PIWIL2: variants seen among roughly 807,000 people sequenced by gnomAD.
The protein encoded by PIWIL2 is piwi like RNA-mediated gene silencing 2.
Under a neutral mutation model 116.5 loss-of-function variants are expected in PIWIL2, and 81 were observed. The observed-to-expected ratio is 0.70, with a 90% CI of 0.58 to 0.84. The LOEUF (loss-of-function observed/expected upper bound fraction) is 0.84. PIWIL2 is among the 40% of genes least tolerant of loss of function. PIWIL2 has a pLI of 0.00. For missense variants in PIWIL2, 1,272 were observed against 1,212.3 expected (o/e 1.05, Z -0.73); for synonymous variants, 489 against 429.5 (o/e 1.14, Z -1.71).
chr8:22,283,189 C>A lies in PIWIL2; in HGVS notation c.581C>A (p.Pro194His), dbSNP rs371325885. Reference protein sequence around the residue: ...LSSPPALPQSPLHSPDRPLVL... With the variant: ...LSSPPALPQSHLHSPDRPLVL... ...TCACCACCAGCTCTGCCCCAGTCTC[C>A]CCTGCACTCTCCAGATCGCCCTCTG... is the stretch of plus-strand genomic sequence containing the variant. Residue 194 changes from proline (P) to histidine (H), a missense_variant, in exon 5 of 23, where the codon CCC (proline) becomes CAC (histidine). Pro to His is a moderately conservative substitution (Grantham distance 77). Coordinates refer to ENST00000356766, the MANE Select transcript of PIWIL2 (RefSeq NM_018068.5). 1.9e-6 allele frequency: 3 copies of A among 1,614,102 alleles called. No homozygotes were observed. In the South Asian group the frequency reaches 3.3e-5, roughly 18 times the overall value.
chr8:22,339,721 C>T lies in PIWIL2; in HGVS notation c.2404-13238C>T, dbSNP rs143242123. 3.9e-3 allele frequency among the ~76,000 whole-genome samples: 594 copies of T among 152,184 alleles called. 6 individuals are homozygous for T. Among genetic ancestry groups the T allele is most frequent in the African/African-American group, 0.014 (573 of 41,518 alleles). ...CATAGAATGGGAGAAGTCATTCATC[C>T]GATACATATGGAAAGGCTCTAGTAT... On this transcript the variant is annotated intron_variant, in intron 20 of 22. Coordinates refer to ENST00000356766, the MANE Select transcript of PIWIL2 (RefSeq NM_018068.5).
chr8:22,280,257 G>A (rs1275788459), intron 2 of PIWIL2, among the ~76,000 whole-genome samples: 2 of 152,180 alleles, frequency 1.3e-5, no homozygotes, highest in Admixed American at 6.5e-5. Flanking sequence ...ATTAGCAGCA[G>A]TTTCTGCCTC....
rs149615967 is a variant in PIWIL2 at position 22,311,765 on chromosome 8, AACTT to A, written c.1989+467_1989+470del. 5.9e-3 allele frequency among the ~76,000 whole-genome samples: 899 copies of A among 152,280 alleles called. 7 individuals carry two copies. Among genetic ancestry groups the A allele is most frequent in the African/African-American group, 0.021 (859 of 41,534 alleles). On this transcript the variant is annotated intron_variant, in intron 16 of 22. Coordinates refer to ENST00000356766, the MANE Select transcript of PIWIL2 (RefSeq NM_018068.5). ...GAGCTGGCCAGGTCATAGCACTCACAACTTAGTTATTCAGGCTTTTCAGTTCTTA... is the reference window on the plus strand; with the variant it reads ...GAGCTGGCCAGGTCATAGCACTCACAAGTTATTCAGGCTTTTCAGTTCTTA...
At chr8:22,280,299 G>A (rs1482548330) in intron 2 of PIWIL2, among the ~76,000 whole-genome samples, 2 of 152,138 alleles carry the variant, frequency 1.3e-5, no homozygotes, top group African/African-American at 4.8e-5. Context: ...CATTTTGGAA[G>A]GCTCATTGCC....
intron 20 of PIWIL2, among the ~76,000 whole-genome samples, chr8:22,327,878 C>A (rs1247664756): frequency 6.6e-6 from 1 of 152,124 alleles, no homozygotes; most frequent in Non-Finnish European, 1.5e-5. Flanking sequence ...GTATGATTTA[C>A]AAATATCTCC....
In PIWIL2 at chr8:22,315,119, G is replaced by A. The variant is rs1315656399; in HGVS notation, c.2182G>A (p.Glu728Lys). ...TCAGATTAACTGTAAATTGGGTGGT[G>A]AGCTCTGGGGAGTGGATATTCCTCT... ...LLQINCKLGGELWGVDIPLKQ... is the reference protein window; with the variant it reads ...LLQINCKLGGKLWGVDIPLKQ... The change falls in exon 18 of 23, where the codon GAG becomes AAG. Residue 728 changes from glutamate to lysine, a missense_variant. Transcript: ENST00000356766. The A allele has an allele frequency of 1.2e-6, 2 of 1,602,422 alleles. No individual in the cohort carries two copies. The highest frequency in any genetic ancestry group is 1.7e-6 in the Non-Finnish European group (2 of 1,169,356).
intron 20 of PIWIL2, among the ~76,000 whole-genome samples, chr8:22,351,165 A>G (rs550857063): frequency 5.0e-4 from 76 of 151,606 alleles, no homozygotes; most frequent in Non-Finnish European, 8.8e-4. Context: ...AAAAATAATT[A>G]ATTAATTAAC....
At chr8:22,292,059 A>G (rs142292355) in intron 10 of PIWIL2, among the ~76,000 whole-genome samples, 4 of 152,196 alleles carry the variant, frequency 2.6e-5, no homozygotes, top group African/African-American at 9.7e-5. Flanking sequence ...AGCTTTTGGC[A>G]TGTGGACAGC....
chr8:22,355,725 C>G lies in PIWIL2; in HGVS notation c.*220C>G, dbSNP rs1228761042. The G allele has an allele frequency of 7.4e-6, 4 of 543,752 alleles. No homozygotes were observed. Among genetic ancestry groups the G allele is most frequent in the Non-Finnish European group, 1.3e-5 (4 of 304,132 alleles). 33.7% of individuals were successfully genotyped at this position (543,752 alleles called of 1,614,324 possible). On this transcript the variant is annotated 3_prime_UTR_variant, in exon 23 of 23. Transcript: ENST00000356766. ...AAATGGCCTTGTTGCCTGTGTAGAG[C>G]AAGTTACGGTGGTACTGCCACTCTG...
chr8:22,292,854 G>A (rs187385155), intron 10 of PIWIL2, among the ~76,000 whole-genome samples: 1 of 152,296 alleles, frequency 6.6e-6, no homozygotes, highest in East Asian at 1.9e-4. Context: ...TGTCTCTCCT[G>A]ATTTCTCAGA....
rs754693215 is a variant in PIWIL2 at position 22,355,298 on chromosome 8, C to G, written c.2766-51C>G. On this transcript the variant is annotated intron_variant, in intron 22 of 22. Transcript: ENST00000356766. Reference sequence around the variant, plus strand: ...GACTATTGTATTGTATTGCATGCCACAAATTGAAGGTGGGGGATGATGAGA... The same window carrying G: ...GACTATTGTATTGTATTGCATGCCAGAAATTGAAGGTGGGGGATGATGAGA... 5 of 1,594,582 alleles carry G rather than the reference C, an allele frequency of 3.1e-6. No individual in the cohort carries two copies. The Admixed American group carries it at 8.3e-5, about 27-fold the overall frequency.
intron 19 of PIWIL2, among the ~76,000 whole-genome samples, chr8:22,317,424 A>G (rs1192660140): frequency 1.3e-5 from 2 of 152,176 alleles, no homozygotes; most frequent in African/African-American, 4.8e-5. Flanking sequence ...ATTTGTACAA[A>G]TGGGATATTG....
intron 10 of PIWIL2, among the ~76,000 whole-genome samples, chr8:22,299,966 A>G (rs1831006890): frequency 6.6e-6 from 1 of 151,220 alleles, no homozygotes; most frequent in Non-Finnish European, 1.5e-5. Context: ...GGGGAACAGA[A>G]TCTCTCCCTG....
chr8:22,282,917 A>G, intron 4 of PIWIL2, 117 bp from the exon 5 acceptor site: 2 of 797,218 alleles, frequency 2.5e-6, no homozygotes, highest in Non-Finnish European at 4.3e-6. Context: ...AGAGAATTTG[A>G]AACTTGGATC....
chr8:22,331,000 C>T (rs764792958), intron 20 of PIWIL2, among the ~76,000 whole-genome samples: 10 of 151,922 alleles, frequency 6.6e-5, no homozygotes, highest in East Asian at 3.9e-4. Context: ...CATGGTGAAA[C>T]CCCGTCTCTA....
intron 20 of PIWIL2, among the ~76,000 whole-genome samples, chr8:22,331,445 G>A (rs1831860469): frequency 1.3e-5 from 2 of 151,472 alleles, no homozygotes; most frequent in South Asian, 4.2e-4. Context: ...TCGCATTACT[G>A]CACTCCCTCT....
At chr8:22,325,885 C>G (rs1370632119) in intron 20 of PIWIL2, among the ~76,000 whole-genome samples, 4 of 152,186 alleles carry the variant, frequency 2.6e-5, no homozygotes, top group African/African-American at 9.7e-5. Flanking sequence ...CAGGCACTGT[C>G]ACAGCCTCCT....
rs186215957 is a variant in PIWIL2, at chr8:22,355,362, C to T, written c.2779C>T (p.Leu927=). The change falls in exon 23 of 23, where the codon CTG becomes TTG. Residue 927 remains leucine, a synonymous_variant. Coordinates refer to ENST00000356766, the MANE Select transcript of PIWIL2 (RefSeq NM_018068.5). ...CTTGGCCTACAGGCTGACTTTCAAA[C>T]TGTGCCACATGTACTGGAATTGGCC... The part of the protein sequence containing the change: ...PDHMQRLTFK[L]CHMYWNWPGT... 7.1e-5 allele frequency: 115 copies of T among 1,614,190 alleles called. No homozygotes were observed. Among genetic ancestry groups the T allele is most frequent in the Non-Finnish European group, 9.1e-5 (107 of 1,180,014 alleles).
intron 16 of PIWIL2, among the ~76,000 whole-genome samples, chr8:22,312,590 C>T (rs1031259651): frequency 2.0e-5 from 3 of 152,118 alleles, no homozygotes; most frequent in Non-Finnish European, 2.9e-5. Context: ...ATCTGGCACT[C>T]TTGGTGTATC....
Sources: allele counts gnomAD v4.1 joint callset (sites outside exome capture counted in the v4.1 genomes callset), GRCh38; gene constraint gnomAD v4.1.1; transcripts MANE v1.5; gene names NCBI Gene and HGNC (gene_info 2026-07-23, HGNC 2026-07-21).